The following ZNF525 variants were observed in gnomAD, a reference collection of about 807,000 sequenced individuals.
ZNF525 encodes zinc finger protein 525.
A neutral mutation model predicts 37.6 loss-of-function variants in ZNF525; 33 were observed. That is an observed-to-expected ratio of 0.88 (90% confidence interval 0.67 to 1.17). The LOEUF (loss-of-function observed/expected upper bound fraction) is 1.17, where lower values mean the gene tolerates loss of function less well. ZNF525 is among the 50% of genes most tolerant of loss of function. ZNF525 has a pLI of 0.00. For missense variants in ZNF525, 449 were observed against 543.1 expected, an observed-to-expected ratio of 0.83 and a Z score of 1.72; for synonymous variants, 170 against 182.3, an observed-to-expected ratio of 0.93 and a Z score of 0.54.
rs1393904137 is a variant in ZNF525 at position 53,382,045 on chromosome 19, A to G, written c.*26A>G. The G allele has an allele frequency of 7.3e-7, 1 of 1,364,214 alleles. No individual in the cohort carries two copies. Among genetic ancestry groups the G allele is most frequent in the Non-Finnish European group, 1.0e-6 (1 of 967,956 alleles). 84.5% of individuals were successfully genotyped at this position (1,364,214 alleles called of 1,614,324 possible). A position where few individuals can be genotyped will look rare whatever the true frequency, so the allele number is the denominator to read the frequency against. ...AATCTTGAAATACGTCAGAAAATTC[A>G]TACTGGAGAGAAATGTTATAAGTGT... is the stretch of plus-strand genomic sequence containing the variant. On this transcript the variant is annotated 3_prime_UTR_variant, in exon 4 of 4. Transcript: ENST00000474037.
chr19:53,376,522 A>G, intron 3 of ZNF525: 1 of 575,998 alleles, frequency 1.7e-6, no homozygotes, highest in Non-Finnish European at 3.0e-6. Context: ...TTTCCTGCTT[A>G]TTGTGTTTAA....
chr19:53,380,081 T>G (rs1021577820), intron 3 of ZNF525, among the ~76,000 whole-genome samples: 1 of 152,072 alleles, frequency 6.6e-6, no homozygotes, highest in East Asian at 1.9e-4. Context: ...TTTATGACAG[T>G]TATTCAGAAA....
intron 1 of ZNF525, among the ~76,000 whole-genome samples, chr19:53,367,232 G>A (rs2085454558): frequency 1.3e-5 from 2 of 152,226 alleles, no homozygotes; most frequent in Middle Eastern, 3.4e-3. Flanking sequence ...TGTTCTTGAA[G>A]TGAGCTTGCT....
chr19:53,374,596 C>T (rs1490793395), intron 2 of ZNF525, among the ~76,000 whole-genome samples: 2 of 152,182 alleles, frequency 1.3e-5, no homozygotes, highest in Admixed American at 6.5e-5. Flanking sequence ...TGTCCTTTTC[C>T]AGCAAGATGA....
chr19:53,368,382 A>G (rs1277412478), intron 1 of ZNF525, among the ~76,000 whole-genome samples: 1 of 152,212 alleles, frequency 6.6e-6, no homozygotes, highest in Non-Finnish European at 1.5e-5. Flanking sequence ...TAATTCTTCT[A>G]GTGACTCTGT....
intron 2 of ZNF525, among the ~76,000 whole-genome samples, 159 bp from the exon 3 acceptor site, chr19:53,375,611 C>G (rs2085515963): frequency 6.6e-6 from 1 of 152,048 alleles, no homozygotes; most frequent in Admixed American, 6.6e-5. Flanking sequence ...TAACAAAACA[C>G]AACTGGGAAG....
chr19:53,375,617 G>A (rs2085515988), intron 2 of ZNF525, among the ~76,000 whole-genome samples, 153 bp from the exon 3 acceptor site: 1 of 151,952 alleles, frequency 6.6e-6, no homozygotes. Flanking sequence ...AACACAACTG[G>A]GAAGACAAAA....
In ZNF525 at chr19:53,369,882, G is replaced by C. The variant is rs564686815; in HGVS notation, c.-67-2333G>C. 2.4e-3 allele frequency among the ~76,000 whole-genome samples: 343 copies of C among 143,318 alleles called. 14 individuals are homozygous for C. The highest frequency in any genetic ancestry group is 4.3e-3 in the Non-Finnish European group (286 of 65,802). 94.0% of individuals were successfully genotyped at this position (143,318 alleles called of 152,430 possible). ...TGGGACTACAGGCGCCCGCCACCAC[G>C]CCCAGCTAATTTTTTGTATTTTTAG... On this transcript the variant is annotated intron_variant, in intron 1 of 3. Transcript: ENST00000474037.
At position 53,374,493 on chromosome 19, in the gene ZNF525, A is replaced by C. The variant is rs555803684; in HGVS notation, c.16-1277A>C. Among the ~76,000 whole-genome samples, 9 of 152,316 alleles carry C rather than the reference A, an allele frequency of 5.9e-5. No homozygotes were observed. The East Asian group carries it at 7.7e-4, about 13-fold the overall frequency. ...AGATATCTGAAATTTCCTCCAGGTC[A>C]GGCAGTTGAAAGGGTGATTGCTTCT... On this transcript the variant is annotated intron_variant, in intron 2 of 3. Transcript: ENST00000474037.
At position 53,380,990 on chromosome 19, in the gene ZNF525, A is replaced by C. The variant is rs2085556021; in HGVS notation, c.411A>C (p.Lys137Asn). The change falls in exon 4 of 4, where the codon AAA becomes AAC. Residue 137 changes from lysine (K) to asparagine (N), a missense_variant. Lys to Asn is a moderately conservative substitution (Grantham distance 94). Around this residue, in one of 2 missense-constraint regions of ZNF525, gnomAD observed 271 missense variants for 381.6 expected, o/e 0.71. Transcript: ENST00000474037. ...DHRHAGNKPI[K>N]YQLGSSFHSH... ...GGCATGCTGGAAACAAGCCTATTAA[A>C]TATCAGCTTGGATCAAGCTTTCATT... is the stretch of plus-strand genomic sequence containing the variant. 4 of 1,589,722 alleles carry C rather than the reference A, an allele frequency of 2.5e-6. No homozygotes were observed. Among genetic ancestry groups the C allele is most frequent in the Non-Finnish European group, 3.5e-6 (4 of 1,157,908 alleles).
chr19:53,378,903 T>G (rs1188606048), intron 3 of ZNF525, among the ~76,000 whole-genome samples: 1 of 152,194 alleles, frequency 6.6e-6, no homozygotes, highest in Non-Finnish European at 1.5e-5. Flanking sequence ...ATCATCTTAT[T>G]TATGTTTTTA....
In ZNF525 at chr19:53,372,447, G is replaced by A. The variant is rs553807375; in HGVS notation, c.15+151G>A. On this transcript the variant is annotated intron_variant, in intron 2 of 3. Transcript: ENST00000474037. ...CCCTCAGTCCCTCTCATCTCACTTA[G>A]ATTTTATCTCTTGTGGCTCAGTGAC... The A allele has an allele frequency of 1.9e-5, 14 of 756,078 alleles. 1 individual carries two copies. In the South Asian group the frequency reaches 2.0e-4, roughly 11 times the overall value. 46.8% of individuals were successfully genotyped at this position (756,078 alleles called of 1,614,324 possible). A position where few individuals can be genotyped will look rare whatever the true frequency, so the allele number is the denominator to read the frequency against.
At chr19:53,380,275 T>A (rs1456122683) in intron 3 of ZNF525, among the ~76,000 whole-genome samples, 1 of 152,030 alleles carries the variant, frequency 6.6e-6, no homozygotes. Flanking sequence ...AAACTTTTCT[T>A]ATCTTCTCAG....
chr19:53,383,129 A>G lies in ZNF525; in HGVS notation c.*1110A>G. The G allele has an allele frequency of 7.6e-7, 1 of 1,323,622 alleles. No individual in the cohort carries two copies. The highest frequency in any genetic ancestry group is 1.1e-6 in the Non-Finnish European group (1 of 935,624). The allele number at this position is 1,323,622 out of a possible 1,614,324, so 82.0% of individuals were successfully genotyped here. ...AGCACACCTTGCACGTCATCATAGA[A>G]CTCATACTGGAGAGAAACATTACAA... On this transcript the variant is annotated 3_prime_UTR_variant, in exon 4 of 4. Coordinates refer to ENST00000474037, the MANE Select transcript of ZNF525 (RefSeq NM_001348156.2).
At chr19:53,373,974 C>T (rs956998160) in intron 2 of ZNF525, among the ~76,000 whole-genome samples, 5 of 152,048 alleles carry the variant, frequency 3.3e-5, no homozygotes, top group Admixed American at 6.6e-5. Flanking sequence ...CCTCTGCATC[C>T]CGAGCTCAAG....
chr19:53,382,044 C>A lies in ZNF525; in HGVS notation c.*25C>A. On this transcript the variant is annotated 3_prime_UTR_variant, in exon 4 of 4. Transcript: ENST00000474037. ...AAATCTTGAAATACGTCAGAAAATTCATACTGGAGAGAAATGTTATAAGTG... is the reference window on the plus strand; with the variant it reads ...AAATCTTGAAATACGTCAGAAAATTAATACTGGAGAGAAATGTTATAAGTG... 1 of 1,358,626 alleles carries A rather than the reference C, an allele frequency of 7.4e-7. No homozygotes were observed. The highest frequency in any genetic ancestry group is 1.0e-6 in the Non-Finnish European group (1 of 963,756). 84.2% of individuals were successfully genotyped at this position (1,358,626 alleles called of 1,614,324 possible). A position where few individuals can be genotyped will look rare whatever the true frequency, so the allele number is the denominator to read the frequency against.
At chr19:53,372,411 A>T in intron 2 of ZNF525, 115 bp downstream of exon 2, 1 of 743,746 alleles carries the variant, frequency 1.3e-6, no homozygotes, top group Non-Finnish European at 2.5e-6. Flanking sequence ...GCTCACATTC[A>T]CCCATGCCTT....
rs561218696 is a variant in ZNF525, at chr19:53,366,444, A to G, written c.-68+685A>G. Among the ~76,000 whole-genome samples, 71 of 152,040 alleles carry G rather than the reference A, an allele frequency of 4.7e-4. No homozygotes were observed. In the East Asian group the frequency reaches 0.013, roughly 28 times the overall value. The stretch of plus-strand genomic sequence containing the variant: ...AAGGGATCGGGAGACAGACAGCAGT[A>G]GAAAACCTGAGACAGAGAAAAGAAG... On this transcript the variant is annotated intron_variant, in intron 1 of 3. Transcript: ENST00000474037.
At chr19:53,373,734 A>C (rs2085503366) in intron 2 of ZNF525, among the ~76,000 whole-genome samples, 1 of 151,938 alleles carries the variant, frequency 6.6e-6, no homozygotes, top group Non-Finnish European at 1.5e-5. Flanking sequence ...AGGCAAGAGA[A>C]TGACTTGAAC....
Sources: gnomAD v4.1 joint callset for allele counts (sites outside exome capture counted in the v4.1 genomes callset) on GRCh38, gnomAD v4.1.1 for gene constraint, gnomAD v4.1.1 regional missense constraint, MANE v1.5 for transcripts, NCBI Gene and HGNC (gene_info 2026-07-23, HGNC 2026-07-21) for gene names.